Variants in LARP4B observed in about 807,000 individuals in gnomAD.
LARP4B encodes the protein La ribonucleoprotein 4B.
LARP4B carries 12 observed loss-of-function variants against 89.8 expected under a neutral mutation model. The ratio of observed to expected loss-of-function variants is 0.13; its 90% CI spans 0.09 to 0.22. The LOEUF is 0.22. LARP4B is among the 10% of genes least tolerant of loss of function. The pLI is 1.00. For missense variants in LARP4B, 757 were observed against 947.7 expected (o/e 0.80, Z 2.64); for synonymous variants, 367 against 363.3 (o/e 1.01, Z -0.12).
At chr10:864,409 A>T in intron 3 of LARP4B, 139 bp from the exon 4 acceptor site, 1 of 689,578 alleles carries the variant, frequency 1.5e-6, no homozygotes, top group Non-Finnish European at 2.3e-6. Flanking sequence ...TTGGAATGAA[A>T]TCAGGTTCAA....
intron 1 of LARP4B, among the ~76,000 whole-genome samples, chr10:930,155 T>C (rs2132071268): frequency 6.6e-6 from 1 of 151,698 alleles, no homozygotes; most frequent in Middle Eastern, 3.4e-3. Context: ...CACTGTGGTC[T>C]TCACAAACTA....
chr10:819,687 G>A (rs1241883482), intron 14 of LARP4B: 2 of 152,256 alleles, frequency 1.3e-5, no homozygotes, highest in South Asian at 2.1e-4. Context: ...TGCTTGACTT[G>A]TTAGTCCAAA....
the LARP4B span, among the ~76,000 whole-genome samples, chr10:940,179 G>A: frequency 6.6e-6 from 1 of 152,138 alleles, no homozygotes; most frequent in Non-Finnish European, 1.5e-5. Flanking sequence ...CACCACGCCC[G>A]GCTAATTTTG....
rs1214770967 is a variant in LARP4B, at chr10:812,062, A to T, written c.*864T>A. 6.5e-6 allele frequency: 1 copy of T among 152,678 alleles called. No individual in the cohort carries two copies. The highest frequency in any genetic ancestry group is 1.5e-5 in the Non-Finnish European group (1 of 68,076). The allele number at this position is 152,678 out of a possible 1,614,324, so 9.5% of individuals were successfully genotyped here. A position where few individuals can be genotyped will look rare whatever the true frequency, so the allele number is the denominator to read the frequency against. On this transcript the variant is annotated 3_prime_UTR_variant, in exon 18 of 18. Transcript: ENST00000316157. ...GGAGCTGAAGATGTGGACTCTCTCC[A>T]ACCAGAGTGCTGGGGAACACGGACA...
rs1377374329 is a variant in LARP4B at position 814,669 on chromosome 10, C to A, written c.1929+73G>T. On this transcript the variant is annotated intron_variant, in intron 17 of 17. Coordinates refer to ENST00000316157, the MANE Select transcript of LARP4B (RefSeq NM_015155.3). This position sits in a 1 kb window ranked among gnomAD's most constrained non-coding sequence, Gnocchi z 4.4. Reference sequence around the variant, plus strand: ...GATGTGATTAAAAAACGAGCAGGTGCAGGAGTGCGCAGCGTCTGTTCACAC... The same window carrying A: ...GATGTGATTAAAAAACGAGCAGGTGAAGGAGTGCGCAGCGTCTGTTCACAC... The A allele has an allele frequency of 6.4e-7, 1 of 1,552,284 alleles. No individual in the cohort carries two copies. The highest frequency in any genetic ancestry group is 8.7e-7 in the Non-Finnish European group (1 of 1,147,440).
chr10:879,311 C>A (rs1160591299), intron 3 of LARP4B, among the ~76,000 whole-genome samples: 1 of 152,220 alleles, frequency 6.6e-6, no homozygotes, highest in African/African-American at 2.4e-5. Flanking sequence ...GAGTATCCCC[C>A]ATCCTGGGGC....
chr10:931,580 G>A lies in LARP4B; in HGVS notation c.-192C>T, dbSNP rs1176585989. ...GCCGGGCCGGGCCGGAGGTAGGGGA[G>A]AGGGCGGGCGCGAGCTGGCGGCGGC... On this transcript the variant is annotated 5_prime_UTR_variant, in exon 1 of 18. Transcript: ENST00000316157. 1.3e-5 allele frequency: 2 copies of A among 153,580 alleles called. No individual in the cohort carries two copies. Among genetic ancestry groups the A allele is most frequent in the African/African-American group, 4.8e-5 (2 of 41,316 alleles). The allele number at this position is 153,580 out of a possible 1,614,324, so 9.5% of individuals were successfully genotyped here.
At chr10:970,643 A>G in the LARP4B span, among the ~76,000 whole-genome samples, 1 of 152,160 alleles carries the variant, frequency 6.6e-6, no homozygotes, top group Admixed American at 6.5e-5. Flanking sequence ...TTCATTTGCA[A>G]ACAGGGAAAA....
intron 3 of LARP4B, among the ~76,000 whole-genome samples, chr10:881,993 T>C (rs12260800): frequency 0.16 from 24,562 of 152,136 alleles, 2,140 homozygotes; most frequent in Non-Finnish European, 0.19. Flanking sequence ...CCAGACACAA[T>C]GCATTGAGCT....
the LARP4B span, among the ~76,000 whole-genome samples, chr10:958,323 C>T: frequency 6.6e-5 from 10 of 151,958 alleles, no homozygotes; most frequent in African/African-American, 1.2e-4. Context: ...CCAGGGACAC[C>T]GGCTGCACCT....
At chr10:847,310 G>C (rs1344639838) in intron 5 of LARP4B, among the ~76,000 whole-genome samples, 1 of 152,180 alleles carries the variant, frequency 6.6e-6, no homozygotes, top group Non-Finnish European at 1.5e-5. Context: ...ACAATGACAA[G>C]TGAGACGGGC....
the LARP4B span, among the ~76,000 whole-genome samples, chr10:969,458 G>T: frequency 6.6e-6 from 1 of 152,150 alleles, no homozygotes; most frequent in Non-Finnish European, 1.5e-5. Flanking sequence ...GGCTCGGCAC[G>T]GTGGCTCACA....
At chr10:946,895 G>A in the LARP4B span, among the ~76,000 whole-genome samples, 1 of 151,992 alleles carries the variant, frequency 6.6e-6, no homozygotes, top group Non-Finnish European at 1.5e-5. Flanking sequence ...TTGAGACAGA[G>A]TCTTGCTCTG....
At position 870,977 on chromosome 10, in the gene LARP4B, G is replaced by C. The variant is rs138554898; in HGVS notation, c.142-6707C>G. On this transcript the variant is annotated intron_variant, in intron 3 of 17. Coordinates refer to ENST00000316157, the MANE Select transcript of LARP4B (RefSeq NM_015155.3). ...TTCTATTTGATTAGTTTCAAAATCA[G>C]CGTTCTCTGTTGCACTAGAACTAAC... Among the ~76,000 whole-genome samples, 201 of 152,298 alleles carry C rather than the reference G, an allele frequency of 1.3e-3. 1 individual carries two copies. The highest frequency in any genetic ancestry group is 4.7e-3 in the African/African-American group (197 of 41,544).
chr10:810,528 C>G lies in LARP4B; in HGVS notation c.*2398G>C, dbSNP rs529773577. ...GCAGCTGTTGAGCTCCCACTTCGGTCGACAAAGTGAAGGACTAAGCTGGCT... is the reference window on the plus strand; with the variant it reads ...GCAGCTGTTGAGCTCCCACTTCGGTGGACAAAGTGAAGGACTAAGCTGGCT... On this transcript the variant is annotated 3_prime_UTR_variant, in exon 18 of 18. Coordinates refer to ENST00000316157, the MANE Select transcript of LARP4B (RefSeq NM_015155.3). The G allele has an allele frequency of 1.7e-4, 26 of 152,316 alleles. No individual in the cohort carries two copies. Among genetic ancestry groups the G allele is most frequent in the Admixed American group, 1.4e-3 (21 of 15,298 alleles). The allele number at this position is 152,316 out of a possible 1,614,324, so 9.4% of individuals were successfully genotyped here.
chr10:887,440 T>C (rs1485037210), intron 1 of LARP4B, among the ~76,000 whole-genome samples: 1 of 147,668 alleles, frequency 6.8e-6, no homozygotes, highest in Non-Finnish European at 1.5e-5. Flanking sequence ...TCAGATGTGG[T>C]GGCTCATACC....
chr10:847,967 T>C (rs991029495), intron 5 of LARP4B, among the ~76,000 whole-genome samples: 3 of 151,982 alleles, frequency 2.0e-5, no homozygotes, highest in African/African-American at 7.3e-5. Flanking sequence ...ATGCAGGAGA[T>C]AGGGAGGCTG....
At chr10:918,901 C>T (rs1449363895) in intron 1 of LARP4B, among the ~76,000 whole-genome samples, 1 of 151,752 alleles carries the variant, frequency 6.6e-6, no homozygotes, top group Non-Finnish European at 1.5e-5. Flanking sequence ...ACGGTGAAAC[C>T]CCATCTCTAA....
rs1424468879 is a variant in LARP4B, at chr10:814,491, A to G, written c.1929+251T>C. On this transcript the variant is annotated intron_variant, in intron 17 of 17. Transcript: ENST00000316157. The surrounding 1 kb of genome is among the most constrained non-coding windows in gnomAD (Gnocchi z 4.4). ...GGAGCTGGGGTCTTGTTACTACTCA[A>G]GAAACCTCTATTGACCAACACTGAA... is the stretch of plus-strand genomic sequence containing the variant. 7 of 667,688 alleles carry G rather than the reference A, an allele frequency of 1.0e-5. No individual in the cohort carries two copies. The South Asian group carries it at 1.1e-4, about 11-fold the overall frequency. 41.4% of individuals were successfully genotyped at this position (667,688 alleles called of 1,614,324 possible). A position where few individuals can be genotyped will look rare whatever the true frequency, so the allele number is the denominator to read the frequency against.
Sources: gnomAD v4.1 joint callset for allele counts (sites outside exome capture counted in the v4.1 genomes callset) on GRCh38, gnomAD v4.1.1 for gene constraint, Gnocchi (gnomAD v3.1) non-coding constraint, MANE v1.5 for transcripts, NCBI Gene and HGNC (gene_info 2026-07-23, HGNC 2026-07-21) for gene names.